Variants in SVIL observed in about 807,000 individuals in gnomAD.
SVIL encodes archvillin.
SVIL carries 101 observed loss-of-function variants against 240.4 expected under a neutral mutation model. That is an observed-to-expected ratio of 0.42 (90% CI 0.36 to 0.50). The LOEUF (loss-of-function observed/expected upper bound fraction) is 0.50. Ranked by LOEUF, SVIL falls within the 20% of genes least tolerant of loss-of-function variation. The pLI is 0.01. For synonymous variants in SVIL, 999 were observed against 1,100.0 expected, an observed-to-expected ratio of 0.91 and a Z score of 1.82; for missense variants, 2,512 against 2,818.7, an observed-to-expected ratio of 0.89 and a Z score of 2.46.
At chr10:29,677,022 A>G (rs1004152059) in intron 2 of SVIL, among the ~76,000 whole-genome samples, 1 of 152,210 alleles carries the variant, frequency 6.6e-6, no homozygotes. Context: ...TACATGTTTA[A>G]TCATTGCTAT....
At chr10:29,619,872 CA>C (rs1425678658) in intron 1 of SVIL, among the ~76,000 whole-genome samples, 4 of 152,104 alleles carry the variant, frequency 2.6e-5, no homozygotes, top group Non-Finnish European at 5.9e-5. Context: ...TTGCAAACTA[CA>C]TTTTTTTTAA....
intron 1 of SVIL, among the ~76,000 whole-genome samples, chr10:29,704,070 T>C (rs57171742): frequency 0.08 from 12,135 of 152,236 alleles, 729 homozygotes; most frequent in African/African-American, 0.16. Flanking sequence ...CTCAAAGTGC[T>C]AGGATTACAG....
At chr10:29,616,704 A>C (rs1361673516) in intron 1 of SVIL, among the ~76,000 whole-genome samples, 1 of 152,166 alleles carries the variant, frequency 6.6e-6, no homozygotes, top group Non-Finnish European at 1.5e-5. Flanking sequence ...CTCCTGTACC[A>C]GGAAGGGGAA....
At chr10:29,538,606 A>T (rs1951908781) in intron 6 of SVIL, among the ~76,000 whole-genome samples, 1 of 152,244 alleles carries the variant, frequency 6.6e-6, no homozygotes, top group South Asian at 2.1e-4. Context: ...CCGCTCCCAG[A>T]TCGCCACCAG....
At chr10:29,514,772 C>G (rs1247750901) in intron 16 of SVIL, among the ~76,000 whole-genome samples, 1 of 152,180 alleles carries the variant, frequency 6.6e-6, no homozygotes, top group African/African-American at 2.4e-5. Flanking sequence ...TCTGTCACAT[C>G]AGGAACTGGT....
intron 1 of SVIL, among the ~76,000 whole-genome samples, chr10:29,688,433 T>G (rs1961254359): frequency 6.6e-6 from 1 of 152,336 alleles, no homozygotes; most frequent in South Asian, 2.1e-4. Context: ...GATTTCTGCC[T>G]CGTTCCCTGC....
Position 29,470,403 on chromosome 10 carries a change from G to A in SVIL, c.5716C>T (p.Leu1906=). The A allele has an allele frequency of 2.5e-6, 4 of 1,614,240 alleles. No individual in the cohort carries two copies. Among genetic ancestry groups the A allele is most frequent in the Non-Finnish European group, 3.4e-6 (4 of 1,180,056 alleles). Reference sequence around the variant, plus strand: ...ACCACCATGGAAGTTCTGGACCTCAGGCTGCTACAGTGACAGGCCACTTCC... The same window carrying A: ...ACCACCATGGAAGTTCTGGACCTCAAGCTGCTACAGTGACAGGCCACTTCC... ...LLEVACHCSS[L]RSRTSMVVLN... is the part of the protein sequence containing the mutation. The change falls in exon 32 of 38, where the codon CTG becomes TTG. Residue 1906 remains leucine, a synonymous_variant. Transcript: ENST00000355867.
In SVIL at chr10:29,554,767, C is replaced by T; in HGVS notation, c.160+16G>A. The T allele has an allele frequency of 6.5e-7, 1 of 1,542,740 alleles. No homozygotes were observed. The highest frequency in any genetic ancestry group is 8.7e-7 in the Non-Finnish European group (1 of 1,146,662). ...GGCAGCCTGCTGGAAAATGGGCCAC[C>T]CAGCTCCACGCTCACCGATGTGGGG... On this transcript the variant is annotated intron_variant, in intron 5 of 37. Coordinates refer to ENST00000355867, the MANE Select transcript of SVIL (RefSeq NM_021738.3).
chr10:29,496,340 T>A (rs572707043), intron 18 of SVIL: 1 of 450,146 alleles, frequency 2.2e-6, no homozygotes, highest in South Asian at 1.6e-5. Flanking sequence ...TAAACTTTCT[T>A]GAAAGATGAT....
chr10:29,591,560 T>C (rs1343972890), intron 1 of SVIL, among the ~76,000 whole-genome samples: 2 of 152,204 alleles, frequency 1.3e-5, no homozygotes, highest in Non-Finnish European at 2.9e-5. Context: ...TACATAAGCA[T>C]TGCTACTGTG....
At chr10:29,478,290 T>C (rs1588889053) in intron 29 of SVIL, among the ~76,000 whole-genome samples, 1 of 152,286 alleles carries the variant, frequency 6.6e-6, no homozygotes, top group East Asian at 1.9e-4. Flanking sequence ...TGTTATTGTT[T>C]TGGGGAGATC....
At chr10:29,530,296 TCAGA>T (rs1951266474) in intron 11 of SVIL, among the ~76,000 whole-genome samples, 2 of 80,736 alleles carry the variant, frequency 2.5e-5, no homozygotes, top group Admixed American at 2.7e-4. Context: ...CGTATTGTTG[TCAGA>T]AGTGTACACT....
intron 1 of SVIL, among the ~76,000 whole-genome samples, chr10:29,604,710 G>C (rs1956953028): frequency 6.6e-6 from 1 of 151,844 alleles, no homozygotes; most frequent in Non-Finnish European, 1.5e-5. Flanking sequence ...GTCTACAGGT[G>C]CATGTCACTA....
chr10:29,607,047 G>A (rs1388413860), intron 1 of SVIL, among the ~76,000 whole-genome samples: 4 of 152,192 alleles, frequency 2.6e-5, no homozygotes, highest in Non-Finnish European at 5.9e-5. Flanking sequence ...GAGCCACTAT[G>A]CCTGGCCTAC....
chr10:29,513,485 G>A (rs7476248), intron 16 of SVIL, among the ~76,000 whole-genome samples: 1 of 151,872 alleles, frequency 6.6e-6, no homozygotes, highest in Non-Finnish European at 1.5e-5. Flanking sequence ...GCAGTGAGCC[G>A]AGATTGTGCC....
At position 29,629,208 on chromosome 10, in the gene SVIL, C is replaced by T. The variant is rs76419620; in HGVS notation, c.-201+5212G>A. On this transcript the variant is annotated intron_variant, in intron 1 of 37. Coordinates refer to ENST00000355867, the MANE Select transcript of SVIL (RefSeq NM_021738.3). ...AGAGCAGAGTGGAAAATAAGACAAA[C>T]GGGAGAGAATGGTGTAGGTAGAGAG... Among the ~76,000 whole-genome samples the T allele has an allele frequency of 3.9e-3, 597 of 152,042 alleles. 4 individuals are homozygous for T. Among genetic ancestry groups the T allele is most frequent in the African/African-American group, 0.014 (575 of 41,480 alleles).
rs375845375 is a variant in SVIL at position 29,555,089 on chromosome 10, G to C, written c.-31C>G. The C allele has an allele frequency of 5.8e-5, 94 of 1,611,930 alleles. No homozygotes were observed. Among genetic ancestry groups the C allele is most frequent in the Non-Finnish European group, 7.2e-5 (85 of 1,179,416 alleles). ...AGAATTCTTTCTTCTTTGGTTCAAA[G>C]ATTTGTCTTAATTCTGCAACTGGAA... On this transcript the variant is annotated 5_prime_UTR_variant, in exon 4 of 38. The change creates a new upstream start codon in the 5' untranslated region. Transcript: ENST00000355867.
chr10:29,620,778 C>G (rs2132911015), intron 1 of SVIL, among the ~76,000 whole-genome samples: 1 of 152,222 alleles, frequency 6.6e-6, no homozygotes, highest in Non-Finnish European at 1.5e-5. Flanking sequence ...ACTACCACAC[C>G]AAGCTATTTT....
At chr10:29,552,246 A>G in intron 5 of SVIL, among the ~76,000 whole-genome samples, 1 of 152,178 alleles carries the variant, frequency 6.6e-6, no homozygotes, top group East Asian at 1.9e-4. Flanking sequence ...CTATAAAAAT[A>G]TTTTCCGTAT....
Sources: allele counts gnomAD v4.1 joint callset (sites outside exome capture counted in the v4.1 genomes callset), GRCh38; gene constraint gnomAD v4.1.1; transcripts MANE v1.5; gene names NCBI Gene and HGNC (gene_info 2026-07-23, HGNC 2026-07-21).